Variants in PTGIS observed in about 807,000 individuals in gnomAD.
The protein encoded by PTGIS is prostacyclin synthase.
In PTGIS, 45 loss-of-function variants were observed where a neutral mutation model predicts 50.3. The ratio of observed to expected loss-of-function variants is 0.90; its 90% CI spans 0.70 to 1.15. PTGIS has a LOEUF of 1.15. PTGIS is among the 50% of genes most tolerant of loss of function. The pLI is 0.00. For synonymous variants in PTGIS, 260 were observed against 267.7 expected, an observed-to-expected ratio of 0.97 and a Z score of 0.28; for missense variants, 668 against 661.3, an observed-to-expected ratio of 1.01 and a Z score of -0.11.
intron 9 of PTGIS, among the ~76,000 whole-genome samples, chr20:49,510,474 G>A (rs1486291298): frequency 6.6e-6 from 1 of 152,166 alleles, no homozygotes; most frequent in African/African-American, 2.4e-5. Context: ...TCATTTTACA[G>A]TTGAGGAAAC....
intron 1 of PTGIS, 138 bp from the exon 2 acceptor site, chr20:49,550,327 G>T: frequency 8.9e-7 from 1 of 1,126,558 alleles, no homozygotes; most frequent in East Asian, 2.4e-5. Context: ...TGCCTCACCT[G>T]CTCCTTTTCT....
intron 1 of PTGIS, among the ~76,000 whole-genome samples, chr20:49,559,708 A>G (rs982036679): frequency 6.6e-6 from 1 of 152,220 alleles, no homozygotes; most frequent in African/African-American, 2.4e-5. Context: ...AAAAGGCCAC[A>G]TATTGTATTA....
At chr20:49,519,542 CCTT>C (rs1568671143) in intron 6 of PTGIS, among the ~76,000 whole-genome samples, 2 of 151,990 alleles carry the variant, frequency 1.3e-5, no homozygotes, top group Non-Finnish European at 2.9e-5. Flanking sequence ...AGGGATGCCC[CCTT>C]CTTCACCCAC....
At position 49,540,086 on chromosome 20, in the gene PTGIS, G is replaced by A. The variant is rs938535619; in HGVS notation, c.522-365C>T. 4.6e-5 allele frequency among the ~76,000 whole-genome samples: 7 copies of A among 152,120 alleles called. No individual in the cohort carries two copies. Among genetic ancestry groups the A allele is most frequent in the African/African-American group, 1.2e-4 (5 of 41,414 alleles). The stretch of plus-strand genomic sequence containing the variant: ...TGTCAAGCTGACAGCTGAAGGCTGA[G>A]AAGGAGTCAGCCATGGGCAGAGCAG... On this transcript the variant is annotated intron_variant, in intron 4 of 9. Coordinates refer to ENST00000244043, the MANE Select transcript of PTGIS (RefSeq NM_000961.4). The surrounding 1 kb of genome is among the most constrained non-coding windows in gnomAD (Gnocchi z 4.8).
intron 6 of PTGIS, among the ~76,000 whole-genome samples, chr20:49,519,012 A>C (rs912497358): frequency 6.6e-6 from 1 of 152,168 alleles, no homozygotes; most frequent in Non-Finnish European, 1.5e-5. Flanking sequence ...GAAGGATCAG[A>C]TGTGATGGAT....
At chr20:49,538,256 GAAAAAAAAAAAAA>G (rs58986753) in intron 5 of PTGIS, among the ~76,000 whole-genome samples, 2,744 of 30,282 alleles carry the variant, frequency 0.091, 110 homozygotes, top group African/African-American at 0.25. Flanking sequence ...CCCTGGTTCA[GAAAAAAAAAAAAA>G]AAAAAAAAAA....
At chr20:49,530,036 C>A (rs986862390) in intron 5 of PTGIS, among the ~76,000 whole-genome samples, 1 of 151,896 alleles carries the variant, frequency 6.6e-6, no homozygotes, top group African/African-American at 2.4e-5. Context: ...TGCCTGTAAT[C>A]CCAGCTACTC....
chr20:49,558,707 T>C (rs1012921641), intron 1 of PTGIS, among the ~76,000 whole-genome samples: 1 of 106,902 alleles, frequency 9.4e-6, no homozygotes, highest in Non-Finnish European at 1.8e-5. Flanking sequence ...AAGAAGAAGT[T>C]AGACAATTTT....
Position 49,507,850 on chromosome 20 carries a change from A to G in PTGIS, c.*70T>C. ...ACCCGGGCCAACTGTGCACACAGAAAGCTGGGAGGCTGGGGCAGGCTGGGG... is the reference window on the plus strand; with the variant it reads ...ACCCGGGCCAACTGTGCACACAGAAGGCTGGGAGGCTGGGGCAGGCTGGGG... On this transcript the variant is annotated 3_prime_UTR_variant, in exon 10 of 10. Coordinates refer to ENST00000244043, the MANE Select transcript of PTGIS (RefSeq NM_000961.4). 1 of 1,596,426 alleles carries G rather than the reference A, an allele frequency of 6.3e-7. No homozygotes were observed. The highest frequency in any genetic ancestry group is 8.5e-7 in the Non-Finnish European group (1 of 1,176,578).
intron 5 of PTGIS, among the ~76,000 whole-genome samples, chr20:49,532,447 C>T (rs1981957958): frequency 6.6e-6 from 1 of 152,140 alleles, no homozygotes; most frequent in Non-Finnish European, 1.5e-5. Context: ...AGCAGAGTGC[C>T]TGACCTTGAA....
rs936128104 is a variant in PTGIS at position 49,553,347 on chromosome 20, C to T, written c.75-3158G>A. ...AGTTATTGGCAAAAAACAAAAAACA[C>T]ACATGTATTTAACTTTAAAGTTCTT... On this transcript the variant is annotated intron_variant, in intron 1 of 9. Coordinates refer to ENST00000244043, the MANE Select transcript of PTGIS (RefSeq NM_000961.4). Among the ~76,000 whole-genome samples, 17 of 152,078 alleles carry T rather than the reference C, an allele frequency of 1.1e-4. No homozygotes were observed. In the East Asian group the frequency reaches 3.1e-3, roughly 28 times the overall value.
intron 5 of PTGIS, among the ~76,000 whole-genome samples, chr20:49,528,185 T>C (rs1413043695): frequency 6.6e-6 from 1 of 152,214 alleles, no homozygotes; most frequent in East Asian, 1.9e-4. Flanking sequence ...TGGTCAACCA[T>C]GGTCCAAAAA....
chr20:49,513,104 G>T lies in PTGIS; in HGVS notation c.1182C>A (p.Asp394Glu). ...LLFPFLSPQRDPEIYTDPEVF... is the reference protein window; with the variant it reads ...LLFPFLSPQREPEIYTDPEVF... The stretch of plus-strand genomic sequence containing the variant: ...CCTCTGGGTCTGTGTAGATTTCTGG[G>T]TCTCTCTGGGGGCTCAGGAAGGGGA... The change falls in exon 8 of 10, where the codon GAC becomes GAA. Residue 394 changes from aspartate (D) to glutamate (E), a missense_variant. By Grantham distance (45) the Asp-to-Glu change is conservative (BLOSUM62 2). Transcript: ENST00000244043. The T allele has an allele frequency of 6.2e-7, 1 of 1,613,902 alleles. No homozygotes were observed. Among genetic ancestry groups the T allele is most frequent in the Non-Finnish European group, 8.5e-7 (1 of 1,179,966 alleles).
intron 5 of PTGIS, among the ~76,000 whole-genome samples, chr20:49,533,956 G>C (rs951620868): frequency 6.6e-6 from 1 of 150,616 alleles, no homozygotes; most frequent in Non-Finnish European, 1.5e-5. Flanking sequence ...GCAAGACTCT[G>C]TCTCAAAAGC....
At chr20:49,513,659 AT>A (rs1981389904) in intron 7 of PTGIS, among the ~76,000 whole-genome samples, 1 of 152,106 alleles carries the variant, frequency 6.6e-6, no homozygotes, top group African/African-American at 2.4e-5. Context: ...TGCTGCTTCT[AT>A]GCTCAACTCC....
rs755427243 is a variant in PTGIS at position 49,511,146 on chromosome 20, C to T, written c.1240G>A (p.Gly414Arg). ...FKYNRFLNPD[G>R]SEKKDFYKDG... Reference sequence around the variant, plus strand: ...TTGTAAAAGTCTTTCTTCTCTGATCCGTCAGGGTTCAGGAATCGGTTGTAT... The same window carrying T: ...TTGTAAAAGTCTTTCTTCTCTGATCTGTCAGGGTTCAGGAATCGGTTGTAT... The change falls in exon 9 of 10, where the codon GGA becomes AGA. Residue 414 changes from glycine (G) to arginine (R), a missense_variant. Coordinates refer to ENST00000244043, the MANE Select transcript of PTGIS (RefSeq NM_000961.4). 17 of 1,614,190 alleles carry T rather than the reference C, an allele frequency of 1.1e-5. No individual in the cohort carries two copies. The highest frequency in any genetic ancestry group is 1.3e-5 in the African/African-American group (1 of 75,036).
At chr20:49,567,958 C>T (rs1982947146) in intron 1 of PTGIS, 85 bp downstream of exon 1, 2 of 1,290,554 alleles carry the variant, frequency 1.5e-6, no homozygotes, top group Admixed American at 3.5e-5. Flanking sequence ...GCCGGGCCGG[C>T]CGCGGGCTCC....
intron 8 of PTGIS, 91 bp downstream of exon 8, chr20:49,512,989 A>T (rs1043290491): frequency 5.5e-5 from 82 of 1,493,558 alleles, no homozygotes; most frequent in Non-Finnish European, 7.4e-5. Context: ...AACAAAGAGC[A>T]GAGCCAGGCT....
chr20:49,520,050 C>T (rs910743452), intron 6 of PTGIS, among the ~76,000 whole-genome samples: 1 of 151,866 alleles, frequency 6.6e-6, no homozygotes, highest in Non-Finnish European at 1.5e-5. Context: ...CTGCTCAGAG[C>T]CCTACAGCAG....
Sources: allele counts gnomAD v4.1 joint callset (sites outside exome capture counted in the v4.1 genomes callset), GRCh38; gene constraint gnomAD v4.1.1; non-coding constraint Gnocchi (gnomAD v3.1); transcripts MANE v1.5; gene names NCBI Gene and HGNC (gene_info 2026-07-23, HGNC 2026-07-21).